Variants in CEP44 observed in about 807,000 individuals in gnomAD.
CEP44 encodes centrosomal protein of 44 kDa.
A neutral mutation model predicts 46.7 loss-of-function variants in CEP44; 45 were observed. The observed-to-expected ratio is 0.96, with a 90% confidence interval of 0.76 to 1.24. The LOEUF (loss-of-function observed/expected upper bound fraction) is 1.24. Among genes scored for constraint, CEP44 ranks in the 50% most tolerant of loss-of-function variants. The probability of loss-of-function intolerance (pLI) is 0.00; values close to 1 mark genes in which losing one functional copy is unlikely to be tolerated. For synonymous variants in CEP44, 142 were observed against 146.0 expected, an observed-to-expected ratio of 0.97 and a Z score of 0.20; for missense variants, 475 against 459.7, an observed-to-expected ratio of 1.03 and a Z score of -0.30.
downstream of CEP44, chr4:174,320,380 T>A (rs934493768): frequency 1.3e-5 from 12 of 923,048 alleles, no homozygotes; most frequent in East Asian, 3.6e-4. Flanking sequence ...ATTGATACAC[T>A]CTTCAGGAAG....
At chr4:174,293,029 A>G (rs1738414929) in intron 1 of CEP44, among the ~76,000 whole-genome samples, 1 of 152,170 alleles carries the variant, frequency 6.6e-6, no homozygotes, top group African/African-American at 2.4e-5. Context: ...GTAGATGAAG[A>G]TCTTCTCTTG....
intron 6 of CEP44, among the ~76,000 whole-genome samples, chr4:174,307,660 G>A (rs916479765): frequency 1.3e-5 from 2 of 152,034 alleles, no homozygotes; most frequent in African/African-American, 4.8e-5. Context: ...GAAACTATCA[G>A]CAAAGTAAAC....
At position 174,317,974 on chromosome 4, in the gene CEP44, G is replaced by A. The variant is rs565774396; in HGVS notation, c.*591G>A. 1 of 985,254 alleles carries A rather than the reference G, an allele frequency of 1.0e-6. No individual in the cohort carries two copies. Among genetic ancestry groups the A allele is most frequent in the South Asian group, 4.7e-5 (1 of 21,278 alleles). The allele number at this position is 985,254 out of a possible 1,614,324, so 61.0% of individuals were successfully genotyped here. A position where few individuals can be genotyped will look rare whatever the true frequency, so the allele number is the denominator to read the frequency against. On this transcript the variant is annotated 3_prime_UTR_variant, in exon 12 of 12. Transcript: ENST00000503780. ...TTTTGTACTGGGAAACAGGCTGGAG[G>A]ACTATGGTCCTCAAGTTTAGACCAA... is the stretch of plus-strand genomic sequence containing the variant.
chr4:174,317,560 A>C lies in CEP44; in HGVS notation c.*177A>C. ...ATAACTCTTTTAATATTTTTGAGCA[A>C]TGATTATACTGCTTTACCTTGTGTC... On this transcript the variant is annotated 3_prime_UTR_variant, in exon 12 of 12. Coordinates refer to ENST00000503780, the MANE Select transcript of CEP44 (RefSeq NM_001040157.3). 8.6e-7 allele frequency: 1 copy of C among 1,166,564 alleles called. No homozygotes were observed. The highest frequency in any genetic ancestry group is 1.6e-5 in the African/African-American group (1 of 62,256). The allele number at this position is 1,166,564 out of a possible 1,614,324, so 72.3% of individuals were successfully genotyped here.
chr4:174,293,803 A>G (rs554534778), intron 1 of CEP44, among the ~76,000 whole-genome samples: 2 of 152,082 alleles, frequency 1.3e-5, no homozygotes, highest in African/African-American at 4.8e-5. Context: ...GCTTCATTTC[A>G]CTAGCTAGGA....
At chr4:174,294,769 C>T (rs1271549099) in intron 1 of CEP44, among the ~76,000 whole-genome samples, 1 of 140,830 alleles carries the variant, frequency 7.1e-6, no homozygotes, top group Admixed American at 6.9e-5. Flanking sequence ...ACCCCCCCAC[C>T]TCCCTCCCGG....
At chr4:174,321,895 G>A (rs779727102), downstream of CEP44, among the ~76,000 whole-genome samples, 21 of 152,104 alleles carry the variant, frequency 1.4e-4, no homozygotes, top group Non-Finnish European at 2.5e-4. Context: ...CAAAGAGAGC[G>A]AGAGGAGAGG....
At chr4:174,308,964 T>A in intron 7 of CEP44, 105 bp downstream of exon 7, 2 of 956,374 alleles carry the variant, frequency 2.1e-6, no homozygotes, top group Non-Finnish European at 3.2e-6. Flanking sequence ...TTTGAATTAT[T>A]AATCATGACA....
intron 1 of CEP44, among the ~76,000 whole-genome samples, chr4:174,284,479 C>G (rs1309264945): frequency 6.6e-6 from 1 of 152,206 alleles, no homozygotes; most frequent in Non-Finnish European, 1.5e-5. Context: ...TCGTGTTTTC[C>G]TTGTTGGCAT....
chr4:174,296,640 A>G (rs1739051223), intron 1 of CEP44, among the ~76,000 whole-genome samples: 1 of 151,882 alleles, frequency 6.6e-6, no homozygotes, highest in Non-Finnish European at 1.5e-5. Flanking sequence ...CGCCAAAGAT[A>G]GTCTATCTTG....
At position 174,317,914 on chromosome 4, in the gene CEP44, C is replaced by T; in HGVS notation, c.*531C>T. 1.0e-6 allele frequency: 1 copy of T among 985,422 alleles called. No homozygotes were observed. Among genetic ancestry groups the T allele is most frequent in the Non-Finnish European group, 1.2e-6 (1 of 829,886 alleles). The allele number at this position is 985,422 out of a possible 1,614,324, so 61.0% of individuals were successfully genotyped here. A position where few individuals can be genotyped will look rare whatever the true frequency, so the allele number is the denominator to read the frequency against. On this transcript the variant is annotated 3_prime_UTR_variant, in exon 12 of 12. Transcript: ENST00000503780. ...TTGGTCAAAAACATCAATACCTTTC[C>T]AATTAACACTGAGAAATTAAGGTTA... is the stretch of plus-strand genomic sequence containing the variant.
chr4:174,317,317 T>G lies in CEP44; in HGVS notation c.1125-18T>G. On this transcript the variant is annotated intron_variant, in intron 11 of 11. Transcript: ENST00000503780. ...ATGAATTATTGATTTACTTAATATA[T>G]TATTTATTATATTTCAGGTTTGAAG... The G allele has an allele frequency of 9.8e-7, 1 of 1,018,916 alleles. No individual in the cohort carries two copies. The highest frequency in any genetic ancestry group is 1.4e-6 in the Non-Finnish European group (1 of 721,410). 63.1% of individuals were successfully genotyped at this position (1,018,916 alleles called of 1,614,324 possible).
chr4:174,289,850 T>G (rs1045257649), intron 1 of CEP44, among the ~76,000 whole-genome samples: 1 of 151,642 alleles, frequency 6.6e-6, no homozygotes, highest in East Asian at 1.9e-4. Flanking sequence ...TTTTTTTTTT[T>G]CTTTGAGACA....
intron 2 of CEP44, 27 bp from the exon 3 acceptor site, chr4:174,299,045 C>G: frequency 2.4e-6 from 3 of 1,268,116 alleles, no homozygotes; most frequent in Non-Finnish European, 3.4e-6. Flanking sequence ...GAGACTTAAC[C>G]AGTATTTCAT....
At chr4:174,283,735 C>G (rs1737213040), upstream of CEP44, 1 of 397,660 alleles carries the variant, frequency 2.5e-6, no homozygotes, top group Non-Finnish European at 4.4e-6. The surrounding 1 kb of genome is among the most constrained non-coding windows in gnomAD (Gnocchi z 6.7). Context: ...TTACGATTCG[C>G]TATAGATTCC....
Position 174,318,202 on chromosome 4 carries a change from T to C in CEP44, c.*819T>C, listed in dbSNP as rs1741953328. The stretch of plus-strand genomic sequence containing the variant: ...CCTCAGCCTCCTGAGTAGCTGGGAT[T>C]ATAGGCATGCACCACCATGCCCAGC... On this transcript the variant is annotated 3_prime_UTR_variant, in exon 12 of 12. Coordinates refer to ENST00000503780, the MANE Select transcript of CEP44 (RefSeq NM_001040157.3). 1.3e-5 allele frequency: 8 copies of C among 639,298 alleles called. No homozygotes were observed. The highest frequency in any genetic ancestry group is 1.6e-5 in the Non-Finnish European group (8 of 514,418). The allele number at this position is 639,298 out of a possible 1,614,324, so 39.6% of individuals were successfully genotyped here.
In CEP44 at chr4:174,319,101, C is replaced by T; in HGVS notation, c.*1718C>T. 1.0e-6 allele frequency: 1 copy of T among 982,968 alleles called. No homozygotes were observed. The highest frequency in any genetic ancestry group is 1.2e-6 in the Non-Finnish European group (1 of 827,756). 60.9% of individuals were successfully genotyped at this position (982,968 alleles called of 1,614,324 possible). On this transcript the variant is annotated 3_prime_UTR_variant, in exon 12 of 12. Coordinates refer to ENST00000503780, the MANE Select transcript of CEP44 (RefSeq NM_001040157.3). ...TAGATTCCATGGGTGAGTCACCATG[C>T]TTGGCCACATTTTTAGTATTCTAAT...
chr4:174,317,930 A>G lies in CEP44; in HGVS notation c.*547A>G. On this transcript the variant is annotated 3_prime_UTR_variant, in exon 12 of 12. Transcript: ENST00000503780. ...ATACCTTTCCAATTAACACTGAGAAATTAAGGTTAAGATTCTCCTTTTGTA... is the reference window on the plus strand; with the variant it reads ...ATACCTTTCCAATTAACACTGAGAAGTTAAGGTTAAGATTCTCCTTTTGTA... The G allele has an allele frequency of 1.0e-6, 1 of 985,488 alleles. No individual in the cohort carries two copies. The highest frequency in any genetic ancestry group is 1.2e-6 in the Non-Finnish European group (1 of 829,922). The allele number at this position is 985,488 out of a possible 1,614,324, so 61.0% of individuals were successfully genotyped here. A position where few individuals can be genotyped will look rare whatever the true frequency, so the allele number is the denominator to read the frequency against.
intron 5 of CEP44, 32 bp from the exon 6 acceptor site, chr4:174,304,215 T>C (rs1740100277): frequency 6.4e-7 from 1 of 1,560,442 alleles, no homozygotes; most frequent in Non-Finnish European, 8.6e-7. Flanking sequence ...TCACACAAAA[T>C]TTGTTATTTT....
Sources: gnomAD v4.1 joint callset for allele counts (sites outside exome capture counted in the v4.1 genomes callset) on GRCh38, gnomAD v4.1.1 for gene constraint, Gnocchi (gnomAD v3.1) non-coding constraint, MANE v1.5 for transcripts, NCBI Gene and HGNC (gene_info 2026-07-23, HGNC 2026-07-21) for gene names.